GPC3: variants seen among roughly 807,000 people sequenced by gnomAD.
GPC3 encodes glypican 3.
In GPC3, 3 loss-of-function variants were observed where a neutral mutation model predicts 34.4. That is an observed-to-expected ratio of 0.09 (90% CI 0.04 to 0.23). GPC3 has a LOEUF of 0.23. GPC3 is among the 10% of genes least tolerant of loss of function. The pLI is 1.00. For synonymous variants in GPC3, 177 were observed against 174.0 expected, an observed-to-expected ratio of 1.02 and a Z score of -0.13; for missense variants, 351 against 445.6, an observed-to-expected ratio of 0.79 and a Z score of 1.91.
At chrX:133,557,036 G>C (rs969998529) in intron 7 of GPC3, among the ~76,000 whole-genome samples, 3 of 111,372 alleles carry the variant, frequency 2.7e-5, no homozygotes, top group Non-Finnish European at 5.7e-5. Context: ...GCTCATGCCT[G>C]TAATCCCAGC....
At chrX:133,848,803 G>A (rs2075858127) in intron 2 of GPC3, among the ~76,000 whole-genome samples, 1 of 110,753 alleles carries the variant, frequency 9.0e-6, no homozygotes, top group African/African-American at 3.3e-5. Context: ...AAATATGTCT[G>A]GGAGGAAGGG....
chrX:133,883,990 C>T (rs1047121969), intron 2 of GPC3, among the ~76,000 whole-genome samples: 1 of 111,027 alleles, frequency 9.0e-6, no homozygotes, highest in Non-Finnish European at 1.9e-5. Context: ...TTATATAATC[C>T]TTATGCAATT....
chrX:133,688,416 A>G (rs997427494), intron 5 of GPC3, among the ~76,000 whole-genome samples: 3 of 111,784 alleles, frequency 2.7e-5, no homozygotes, highest in African/African-American at 6.5e-5. Flanking sequence ...CATTCTCTTC[A>G]TTCATATTTC....
intron 7 of GPC3, among the ~76,000 whole-genome samples, chrX:133,582,682 G>A (rs2069743475): frequency 9.0e-6 from 1 of 111,372 alleles, no homozygotes; most frequent in South Asian, 3.8e-4. Flanking sequence ...TGTCTACAAA[G>A]ATATTGGTCC....
At chrX:133,964,419 A>G (rs755637743) in intron 1 of GPC3, among the ~76,000 whole-genome samples, 16 of 111,884 alleles carry the variant, frequency 1.4e-4, no homozygotes, top group Admixed American at 8.5e-4. Context: ...ATAATAAGCA[A>G]CAATTGCCTT....
intron 2 of GPC3, among the ~76,000 whole-genome samples, chrX:133,816,743 G>A (rs1180139575): frequency 9.0e-6 from 1 of 111,135 alleles, no homozygotes; most frequent in Non-Finnish European, 1.9e-5. Flanking sequence ...CAAGATCCTG[G>A]AAGTCAAAGA....
At chrX:133,646,660 A>G (rs2070547803) in intron 6 of GPC3, among the ~76,000 whole-genome samples, 1 of 112,222 alleles carries the variant, frequency 8.9e-6, no homozygotes, top group Non-Finnish European at 1.9e-5. Flanking sequence ...GGAGGCAGCC[A>G]AGAAAATGAA....
At chrX:133,621,090 A>T (rs936280687) in intron 6 of GPC3, among the ~76,000 whole-genome samples, 1 of 109,397 alleles carries the variant, frequency 9.1e-6, no homozygotes, top group Non-Finnish European at 1.9e-5. Context: ...CTTTTCCTCA[A>T]CAAGAAGCAG....
chrX:133,560,866 C>T (rs758864288), intron 7 of GPC3, among the ~76,000 whole-genome samples: 1 of 111,928 alleles, frequency 8.9e-6, no homozygotes, highest in Admixed American at 9.5e-5. Flanking sequence ...CTTTGCCTGT[C>T]CCAATTATTG....
intron 3 of GPC3, among the ~76,000 whole-genome samples, chrX:133,737,839 A>G (rs1950877817): frequency 8.9e-6 from 1 of 112,491 alleles, no homozygotes; most frequent in African/African-American, 3.2e-5. Flanking sequence ...ATGTTTTTCT[A>G]TATTTTTAAA....
intron 2 of GPC3, among the ~76,000 whole-genome samples, chrX:133,797,882 A>G (rs2075590112): frequency 9.0e-6 from 1 of 111,354 alleles, no homozygotes; most frequent in Non-Finnish European, 1.9e-5. Flanking sequence ...TGTTAAATCT[A>G]ATTTCTTCTC....
intron 5 of GPC3, among the ~76,000 whole-genome samples, chrX:133,685,964 A>C (rs2070998120): frequency 9.0e-6 from 1 of 111,273 alleles, no homozygotes; most frequent in Admixed American, 9.6e-5. Flanking sequence ...TGGAGCTGAC[A>C]TCTGGAGCTA....
At chrX:133,870,091 C>G (rs2075987840) in intron 2 of GPC3, among the ~76,000 whole-genome samples, 1 of 112,518 alleles carries the variant, frequency 8.9e-6, no homozygotes, top group South Asian at 3.7e-4. Context: ...AACCATCACT[C>G]TAACAGCAAT....
At chrX:133,840,857 C>T (rs1449371646) in intron 2 of GPC3, among the ~76,000 whole-genome samples, 1 of 110,716 alleles carries the variant, frequency 9.0e-6, no homozygotes, top group Non-Finnish European at 1.9e-5. Flanking sequence ...CCTGATAATA[C>T]CTAGGATTAC....
intron 2 of GPC3, among the ~76,000 whole-genome samples, chrX:133,932,243 C>T (rs2076301873): frequency 8.9e-6 from 1 of 112,234 alleles, no homozygotes; most frequent in African/African-American, 3.2e-5. Flanking sequence ...CTAAATGGTG[C>T]AACTCCCTTA....
intron 6 of GPC3, among the ~76,000 whole-genome samples, chrX:133,597,413 A>G (rs1297422827): frequency 9.0e-6 from 1 of 111,181 alleles, no homozygotes; most frequent in African/African-American, 3.3e-5. Flanking sequence ...CTTCATTCTC[A>G]TATTCTGTTT....
chrX:133,762,430 A>G (rs79119137), intron 2 of GPC3, among the ~76,000 whole-genome samples: 1 of 112,206 alleles, frequency 8.9e-6, no homozygotes, highest in African/African-American at 3.2e-5. Flanking sequence ...TGAACAGACA[A>G]CCTACAGAGT....
chrX:133,973,034 G>A (rs1448439753), intron 1 of GPC3, among the ~76,000 whole-genome samples: 2 of 110,775 alleles, frequency 1.8e-5, no homozygotes, highest in African/African-American at 3.3e-5. Context: ...AAGAGAGAAC[G>A]GAAAGGGCAA....
At chrX:133,740,284 G>T (rs1449691431) in intron 3 of GPC3, among the ~76,000 whole-genome samples, 1 of 111,968 alleles carries the variant, frequency 8.9e-6, no homozygotes, top group East Asian at 2.8e-4. Flanking sequence ...GATGTGTGAG[G>T]AAAACGTTTC....
Sources: gnomAD v4.1 joint callset for allele counts (sites outside exome capture counted in the v4.1 genomes callset) on GRCh38, gnomAD v4.1.1 for gene constraint, MANE v1.5 for transcripts, NCBI Gene and HGNC (gene_info 2026-07-23, HGNC 2026-07-21) for gene names.